The following TYW1B variants were observed in gnomAD, a reference collection of about 807,000 sequenced individuals.
TYW1B encodes tRNA-yW synthesizing protein 1 homolog B.
A neutral mutation model predicts 86.9 loss-of-function variants in TYW1B; 73 were observed. The ratio of observed to expected loss-of-function variants is 0.84; its 90% confidence interval spans 0.70 to 1.02. The LOEUF (loss-of-function observed/expected upper bound fraction) is 1.02. Among genes scored for constraint, TYW1B ranks in the 50% least tolerant of loss-of-function variants. TYW1B has a pLI of 0.00. For missense variants in TYW1B, 637 were observed against 827.4 expected, an observed-to-expected ratio of 0.77 and a Z score of 2.82; for synonymous variants, 248 against 292.8, an observed-to-expected ratio of 0.85 and a Z score of 1.56.
At chr7:72,623,588 A>G (rs1812276968) in intron 12 of TYW1B, among the ~76,000 whole-genome samples, 1 of 152,182 alleles carries the variant, frequency 6.6e-6, no homozygotes, top group South Asian at 2.1e-4. Flanking sequence ...TACTAGGACC[A>G]TGGAGTACTT....
intron 11 of TYW1B, among the ~76,000 whole-genome samples, chr7:72,663,051 G>A (rs1813371874): frequency 6.6e-6 from 1 of 151,996 alleles, no homozygotes; most frequent in Admixed American, 6.6e-5. Context: ...TCTCCAAAAT[G>A]GCAATAGCCA....
chr7:72,812,680 TCTTG>T (rs1259963693), intron 3 of TYW1B, among the ~76,000 whole-genome samples: 11 of 151,754 alleles, frequency 7.2e-5, no homozygotes, highest in African/African-American at 2.7e-4. Flanking sequence ...ACGAGCCACA[TCTTG>T]CTTGCTGCCT....
chr7:72,625,769 T>G lies in TYW1B; in HGVS notation c.1617+3118A>C, dbSNP rs557164484. On this transcript the variant is annotated intron_variant, in intron 12 of 13. Coordinates refer to ENST00000620995, the MANE Select transcript of TYW1B (RefSeq NM_001145440.3). ...GAACCAAATAATACCCATCAGAGAA[T>G]TATACTGTTTACCAAGTAGCTGTCT... 9.5e-3 allele frequency among the ~76,000 whole-genome samples: 1,437 copies of G among 151,134 alleles called. 8 individuals carry two copies. The highest frequency in any genetic ancestry group is 0.028 in the African/African-American group (1,138 of 41,142).
chr7:72,674,256 G>A (rs57876113), intron 11 of TYW1B, among the ~76,000 whole-genome samples: 1 of 152,130 alleles, frequency 6.6e-6, no homozygotes, highest in Admixed American at 6.6e-5. Flanking sequence ...AGGTTTCTTA[G>A]TCCAAAAGTC....
chr7:72,808,492 A>G (rs1554477264), intron 4 of TYW1B, among the ~76,000 whole-genome samples: 2 of 151,850 alleles, frequency 1.3e-5, no homozygotes, highest in African/African-American at 4.8e-5. Flanking sequence ...CAAAATCTAC[A>G]CAACAATAGA....
In TYW1B at chr7:72,597,837, T is replaced by C. The variant is rs1480428431; in HGVS notation, c.1785+18835A>G. Among the ~76,000 whole-genome samples, 5 of 151,998 alleles carry C rather than the reference T, an allele frequency of 3.3e-5. No individual in the cohort carries two copies. The East Asian group carries it at 5.8e-4, about 18-fold the overall frequency. ...ATCCATTAAAGAAAAAAATTATCTA[T>C]AGAAGGCAGCAGCCCTAGATGACTT... On this transcript the variant is annotated intron_variant, in intron 13 of 13. Coordinates refer to ENST00000620995, the MANE Select transcript of TYW1B (RefSeq NM_001145440.3).
At chr7:72,625,428 G>A (rs1362965217) in intron 12 of TYW1B, among the ~76,000 whole-genome samples, 3 of 152,080 alleles carry the variant, frequency 2.0e-5, no homozygotes. Context: ...AGACCAGCCT[G>A]GGCAACATAG....
chr7:72,669,554 CCAG>C (rs1378928699), intron 11 of TYW1B, among the ~76,000 whole-genome samples: 1 of 151,888 alleles, frequency 6.6e-6, no homozygotes, highest in Non-Finnish European at 1.5e-5. Context: ...TCATTTGAGG[CCAG>C]TTGTTCAAGA....
At chr7:72,632,852 G>A in intron 11 of TYW1B, among the ~76,000 whole-genome samples, 1 of 152,206 alleles carries the variant, frequency 6.6e-6, no homozygotes. Context: ...ATATGAAGGT[G>A]AGGCTGACAG....
At chr7:72,727,591 C>A (rs572213889) in intron 9 of TYW1B, among the ~76,000 whole-genome samples, 1 of 152,110 alleles carries the variant, frequency 6.6e-6, no homozygotes, top group Non-Finnish European at 1.5e-5. Context: ...CCAAAGCAGG[C>A]GGATGGCTTG....
At chr7:72,711,115 C>A (rs1317426772) in intron 10 of TYW1B, among the ~76,000 whole-genome samples, 1 of 152,120 alleles carries the variant, frequency 6.6e-6, no homozygotes, top group Admixed American at 6.6e-5. Context: ...TGGGTAACTG[C>A]CAAACTTCAC....
At chr7:72,780,012 T>A (rs1443730645) in intron 6 of TYW1B, among the ~76,000 whole-genome samples, 4 of 152,156 alleles carry the variant, frequency 2.6e-5, no homozygotes, top group Non-Finnish European at 4.4e-5. Context: ...GCTGAAAAAA[T>A]TCATAAACAA....
intron 7 of TYW1B, among the ~76,000 whole-genome samples, chr7:72,750,843 G>A (rs571627093): frequency 3.3e-5 from 5 of 152,124 alleles, no homozygotes; most frequent in East Asian, 1.9e-4. Flanking sequence ...CCAAAAATCC[G>A]ACATCCAAAA....
intron 12 of TYW1B, among the ~76,000 whole-genome samples, chr7:72,626,487 T>G (rs1215070857): frequency 6.6e-6 from 1 of 152,112 alleles, no homozygotes; most frequent in African/African-American, 2.4e-5. Context: ...CTATTTAAAC[T>G]TCTACTTGGA....
chr7:72,785,378 T>C (rs1210266417), intron 6 of TYW1B, among the ~76,000 whole-genome samples: 1 of 147,762 alleles, frequency 6.8e-6, no homozygotes. Flanking sequence ...TAAATTAAAG[T>C]TATATTCTAA....
chr7:72,601,265 A>G (rs1350013496), intron 13 of TYW1B, among the ~76,000 whole-genome samples: 2 of 152,066 alleles, frequency 1.3e-5, no homozygotes, highest in Non-Finnish European at 1.5e-5. Context: ...GATGCTCATC[A>G]TTATTTGTCA....
chr7:72,823,009 C>CT lies in TYW1B; in HGVS notation c.135+3845dup, dbSNP rs1291022098. ...ACCCTATCTCTTTTTTTCTTCTTTC[C>CT]TTTTTTTTTTTTGTTTGAGACAGGT... On this transcript the variant is annotated intron_variant, in intron 2 of 13. Transcript: ENST00000620995. 5.6e-3 allele frequency: 799 copies of CT among 143,478 alleles called. 2 individuals are homozygous for CT. Among genetic ancestry groups the CT allele is most frequent in the African/African-American group, 0.017 (650 of 39,312 alleles). The allele number at this position is 143,478 out of a possible 1,614,324, so 8.9% of individuals were successfully genotyped here.
chr7:72,778,221 GA>G (rs782447876), intron 6 of TYW1B, among the ~76,000 whole-genome samples: 30 of 151,992 alleles, frequency 2.0e-4, no homozygotes, highest in African/African-American at 2.9e-4. Context: ...TGAAAAGGGG[GA>G]AAAATAATAA....
At chr7:72,617,524 G>A (rs1440453779) in intron 12 of TYW1B, among the ~76,000 whole-genome samples, 1 of 151,918 alleles carries the variant, frequency 6.6e-6, no homozygotes, top group South Asian at 2.1e-4. Context: ...CTGCCACCAC[G>A]CCTGGCTAAT....
Sources: allele counts gnomAD v4.1 joint callset (sites outside exome capture counted in the v4.1 genomes callset), GRCh38; gene constraint gnomAD v4.1.1; transcripts MANE v1.5; gene names NCBI Gene and HGNC (gene_info 2026-07-23, HGNC 2026-07-21).